Variants in NEDD4 observed in about 807,000 individuals in gnomAD.
The protein encoded by NEDD4 is NEDD4 E3 ubiquitin protein ligase.
A neutral mutation model predicts 144.9 loss-of-function variants in NEDD4; 99 were observed. That is an observed-to-expected ratio of 0.68 (90% confidence interval 0.58 to 0.81). The LOEUF (loss-of-function observed/expected upper bound fraction) is 0.81, where lower values mean the gene tolerates loss of function less well. Among genes scored for constraint, NEDD4 ranks in the 30% least tolerant of loss-of-function variants. The pLI is 0.00. For missense variants in NEDD4, 985 were observed against 1,065.9 expected, an observed-to-expected ratio of 0.92 and a Z score of 1.06; for synonymous variants, 318 against 350.6, an observed-to-expected ratio of 0.91 and a Z score of 1.04.
At chr15:55,971,713 A>C (rs538893893) in intron 1 of NEDD4, among the ~76,000 whole-genome samples, 1 of 152,120 alleles carries the variant, frequency 6.6e-6, no homozygotes, top group Admixed American at 6.6e-5. Flanking sequence ...AATAACAAAG[A>C]ACTTTCTAGG....
At chr15:55,963,345 T>G (rs1279807508) in intron 2 of NEDD4, among the ~76,000 whole-genome samples, 2 of 152,160 alleles carry the variant, frequency 1.3e-5, no homozygotes, top group African/African-American at 4.8e-5. Context: ...TTGCCCAGGC[T>G]GGTCTTGAAC....
At chr15:55,945,506 G>C (rs570348703) in intron 4 of NEDD4, among the ~76,000 whole-genome samples, 1 of 152,050 alleles carries the variant, frequency 6.6e-6, no homozygotes, top group Non-Finnish European at 1.5e-5. Context: ...AAGAAATATG[G>C]GACTATGTGA....
chr15:55,876,946 T>C (rs1405741689), intron 5 of NEDD4, among the ~76,000 whole-genome samples: 1 of 151,310 alleles, frequency 6.6e-6, no homozygotes, highest in Non-Finnish European at 1.5e-5. Flanking sequence ...CTCAAGCGAG[T>C]CTCCTGCCTT....
At chr15:55,957,323 C>T (rs1456304215) in intron 2 of NEDD4, among the ~76,000 whole-genome samples, 1 of 152,014 alleles carries the variant, frequency 6.6e-6, no homozygotes, top group Non-Finnish European at 1.5e-5. Flanking sequence ...ATATATAGTA[C>T]AATGTTGGAT....
At position 55,828,891 on chromosome 15, in the gene NEDD4, T is replaced by A. The variant is rs1359492480; in HGVS notation, c.*1006A>T. 6.6e-6 allele frequency: 1 copy of A among 152,640 alleles called. No homozygotes were observed. The highest frequency in any genetic ancestry group is 2.4e-5 in the African/African-American group (1 of 41,456). The allele number at this position is 152,640 out of a possible 1,614,324, so 9.5% of individuals were successfully genotyped here. ...TTTGGTTTTTTTACTAGAGTGATAC[T>A]AAAAATATAAAAATGCGACTACAGA... On this transcript the variant is annotated 3_prime_UTR_variant, in exon 29 of 29. Coordinates refer to ENST00000435532, the MANE Select transcript of NEDD4 (RefSeq NM_006154.4).
At chr15:55,981,190 C>G (rs1294908661) in intron 1 of NEDD4, among the ~76,000 whole-genome samples, 2 of 151,756 alleles carry the variant, frequency 1.3e-5, no homozygotes, top group Non-Finnish European at 2.9e-5. Flanking sequence ...CTACAGGTGC[C>G]CACCACCACA....
chr15:55,852,950 A>G (rs2034052391), intron 12 of NEDD4, among the ~76,000 whole-genome samples: 1 of 152,030 alleles, frequency 6.6e-6, no homozygotes, highest in African/African-American at 2.4e-5. Context: ...GGGTTTCACC[A>G]TATTGGCCAG....
At chr15:55,937,263 G>A (rs2036912150) in intron 4 of NEDD4, among the ~76,000 whole-genome samples, 1 of 152,138 alleles carries the variant, frequency 6.6e-6, no homozygotes, top group Admixed American at 6.5e-5. Flanking sequence ...CCAAGTTTTT[G>A]CTGTAATATG....
intron 15 of NEDD4, 84 bp downstream of exon 15, chr15:55,848,722 T>C (rs568664056): frequency 2.4e-5 from 32 of 1,331,296 alleles, no homozygotes; most frequent in Middle Eastern, 1.8e-4. Flanking sequence ...ACATTAATTA[T>C]AGATGATAAA....
intron 1 of NEDD4, among the ~76,000 whole-genome samples, chr15:55,970,672 G>C (rs1340745916): frequency 6.6e-6 from 1 of 152,202 alleles, no homozygotes; most frequent in Non-Finnish European, 1.5e-5. Context: ...TCTTACCCAA[G>C]ACCAGCAAGT....
At chr15:55,883,960 A>C (rs1349344664) in intron 5 of NEDD4, among the ~76,000 whole-genome samples, 11 of 151,604 alleles carry the variant, frequency 7.3e-5, no homozygotes, top group African/African-American at 2.7e-4. Flanking sequence ...GCTCACTGCA[A>C]TCTCTACCTC....
chr15:55,841,891 T>C, intron 19 of NEDD4, 43 bp downstream of exon 19: 1 of 1,536,616 alleles, frequency 6.5e-7, no homozygotes, highest in Admixed American at 1.7e-5. Flanking sequence ...TTTAAAACAG[T>C]GATTTTTCTT....
intron 8 of NEDD4, among the ~76,000 whole-genome samples, chr15:55,867,949 G>C (rs1315325413): frequency 1.3e-5 from 2 of 151,846 alleles, no homozygotes; most frequent in Admixed American, 1.3e-4. Flanking sequence ...TCAGCTACTT[G>C]GGAGGCTGAG....
At chr15:55,843,461 T>G (rs764396996) in intron 18 of NEDD4, among the ~76,000 whole-genome samples, 3 of 152,230 alleles carry the variant, frequency 2.0e-5, no homozygotes, top group Non-Finnish European at 2.9e-5. Context: ...ATGTGACAAA[T>G]GTACACAACT....
intron 4 of NEDD4, among the ~76,000 whole-genome samples, chr15:55,943,698 G>C (rs1190963544): frequency 1.3e-5 from 2 of 152,216 alleles, no homozygotes; most frequent in East Asian, 3.9e-4. Flanking sequence ...ACTTCTATTA[G>C]GGCAGTGTGG....
intron 1 of NEDD4, among the ~76,000 whole-genome samples, chr15:55,977,310 T>C (rs2037721619): frequency 6.6e-6 from 1 of 152,220 alleles, no homozygotes; most frequent in South Asian, 2.1e-4. Flanking sequence ...CAGTATTCAG[T>C]ACAGTATCAT....
chr15:55,899,784 G>C (rs1475926291), intron 5 of NEDD4, among the ~76,000 whole-genome samples: 1 of 152,192 alleles, frequency 6.6e-6, no homozygotes, highest in Admixed American at 6.5e-5. Flanking sequence ...TCCAATGCAG[G>C]AGCCAGTGAT....
intron 2 of NEDD4, among the ~76,000 whole-genome samples, chr15:55,964,079 T>G (rs60760787): frequency 3.3e-5 from 5 of 152,128 alleles, no homozygotes; most frequent in Admixed American, 6.5e-5. Context: ...TATTATGCAC[T>G]TCATTGTGTT....
At chr15:55,845,786 TTTTTC>T (rs1399074461) in intron 18 of NEDD4, among the ~76,000 whole-genome samples, 15 of 85,122 alleles carry the variant, frequency 1.8e-4, no homozygotes, top group African/African-American at 5.6e-4. Flanking sequence ...AGTTATTCTT[TTTTTC>T]TTTTTTCTTT....
Sources: allele counts gnomAD v4.1 joint callset (sites outside exome capture counted in the v4.1 genomes callset), GRCh38; gene constraint gnomAD v4.1.1; transcripts MANE v1.5; gene names NCBI Gene and HGNC (gene_info 2026-07-23, HGNC 2026-07-21).